RBFOX3: variants seen among roughly 807,000 people sequenced by gnomAD.
RBFOX3 encodes the protein RNA binding fox-1 homolog 3, also known as RNA binding protein fox-1 homolog 3.
In RBFOX3, 17 loss-of-function variants were observed where a neutral mutation model predicts 48.7. That is an observed-to-expected ratio of 0.35 (90% CI 0.24 to 0.52). The LOEUF is 0.52. Ranked by LOEUF, RBFOX3 falls within the 20% of genes least tolerant of loss-of-function variation. RBFOX3 has a pLI of 0.94. For missense variants in RBFOX3, 382 were observed against 497.5 expected (o/e 0.77, Z 2.21); for synonymous variants, 212 against 209.5 (o/e 1.01, Z -0.10).
chr17:79,434,983 G>A (rs192072292), intron 2 of RBFOX3, among the ~76,000 whole-genome samples: 36 of 152,294 alleles, frequency 2.4e-4, no homozygotes, highest in East Asian at 2.3e-3. Flanking sequence ...GTGTGAATCC[G>A]TGCAAAGAAA....
At chr17:79,476,534 G>A (rs2077783545) in intron 2 of RBFOX3, among the ~76,000 whole-genome samples, 1 of 152,188 alleles carries the variant, frequency 6.6e-6, no homozygotes, top group East Asian at 1.9e-4. Context: ...AAGAGTTCTT[G>A]GAGGCAAACC....
At chr17:79,276,570 A>G (rs538048247) in intron 3 of RBFOX3, among the ~76,000 whole-genome samples, 108 of 152,238 alleles carry the variant, frequency 7.1e-4, no homozygotes, top group African/African-American at 2.5e-3. Context: ...CTGTAATCCC[A>G]GCTGCTCGGG....
chr17:79,235,168 G>T (rs1018273601), intron 4 of RBFOX3: 3 of 152,346 alleles, frequency 2.0e-5, no homozygotes, highest in African/African-American at 7.2e-5. Context: ...ATCTGTGGAG[G>T]GGGTCAGCCA....
chr17:79,294,837 C>T (rs1442567644), intron 3 of RBFOX3, among the ~76,000 whole-genome samples: 1 of 152,186 alleles, frequency 6.6e-6, no homozygotes, highest in Non-Finnish European at 1.5e-5. Flanking sequence ...TGCGGATCTG[C>T]CTTCATTAAA....
chr17:79,271,442 C>T (rs894236625), intron 3 of RBFOX3, among the ~76,000 whole-genome samples: 1 of 152,198 alleles, frequency 6.6e-6, no homozygotes, highest in African/African-American at 2.4e-5. Flanking sequence ...GTCTTCTAAG[C>T]TTGGGTCGGA....
rs904986198 is a variant in RBFOX3 at position 79,566,281 on chromosome 17, T to C, written c.-320+44545A>G. On this transcript the variant is annotated intron_variant, in intron 1 of 14. Coordinates refer to ENST00000693108, the MANE Select transcript of RBFOX3 (RefSeq NM_001350451.2). Reference sequence around the variant, plus strand: ...CCCTTTGCGTAAGCACGTCTTGCCATAGTCCCTATTTAAGCCTCACCAGGC... The same window carrying C: ...CCCTTTGCGTAAGCACGTCTTGCCACAGTCCCTATTTAAGCCTCACCAGGC... Among the ~76,000 whole-genome samples, 1,097 of 152,338 alleles carry C rather than the reference T, an allele frequency of 7.2e-3. 9 individuals carry two copies. Among genetic ancestry groups the C allele is most frequent in the African/African-American group, 0.025 (1,036 of 41,578 alleles).
the RBFOX3 span, among the ~76,000 whole-genome samples, chr17:79,646,981 C>A: frequency 3.9e-5 from 6 of 152,138 alleles, no homozygotes; most frequent in Non-Finnish European, 7.3e-5. Context: ...CCCAGCCCAG[C>A]AGTGGAGCCA....
At chr17:79,312,263 A>G (rs2076954050) in intron 2 of RBFOX3, among the ~76,000 whole-genome samples, 1 of 144,888 alleles carries the variant, frequency 6.9e-6, no homozygotes, top group Non-Finnish European at 1.5e-5. Flanking sequence ...GGCAGGGGAG[A>G]GACAAGGAAA....
Position 79,566,306 on chromosome 17 carries a change from C to T in RBFOX3, c.-320+44520G>A, listed in dbSNP as rs1027267499. Among the ~76,000 whole-genome samples, 62 of 152,354 alleles carry T rather than the reference C, an allele frequency of 4.1e-4. 2 individuals carry two copies. The South Asian group carries it at 0.013, about 32-fold the overall frequency. On this transcript the variant is annotated intron_variant, in intron 1 of 14. Coordinates refer to ENST00000693108, the MANE Select transcript of RBFOX3 (RefSeq NM_001350451.2). ...TAGTCCCTATTTAAGCCTCACCAGGCTGGGCCTGGGGTCTCCACTCATCCA... is the reference window on the plus strand; with the variant it reads ...TAGTCCCTATTTAAGCCTCACCAGGTTGGGCCTGGGGTCTCCACTCATCCA...
At chr17:79,106,342 G>A (rs113806880) in intron 6 of RBFOX3, among the ~76,000 whole-genome samples, 2 of 152,194 alleles carry the variant, frequency 1.3e-5, no homozygotes, top group African/African-American at 4.8e-5. Context: ...CTGAGCTCAG[G>A]TGGTCTGGGG....
At chr17:79,629,687 TG>T in the RBFOX3 span, among the ~76,000 whole-genome samples, 2 of 152,188 alleles carry the variant, frequency 1.3e-5, no homozygotes, top group Non-Finnish European at 2.9e-5. Context: ...AAGACTTATC[TG>T]GAAAGATTTA....
At chr17:79,166,892 A>G (rs977973753) in intron 4 of RBFOX3, among the ~76,000 whole-genome samples, 1 of 152,240 alleles carries the variant, frequency 6.6e-6, no homozygotes, top group Non-Finnish European at 1.5e-5. Context: ...CACACCTGCC[A>G]AAGAGTGAAT....
chr17:79,540,164 G>C (rs2089466292), intron 1 of RBFOX3, among the ~76,000 whole-genome samples: 1 of 152,202 alleles, frequency 6.6e-6, no homozygotes, highest in African/African-American at 2.4e-5. Flanking sequence ...CACAGGTGCT[G>C]ACCATTCGTC....
intron 2 of RBFOX3, among the ~76,000 whole-genome samples, chr17:79,342,411 G>A (rs568087562): frequency 4.7e-4 from 72 of 152,098 alleles, no homozygotes; most frequent in African/African-American, 1.6e-3. Context: ...TCTCTCTCTC[G>A]TCTGATTAAA....
In RBFOX3 at chr17:79,199,896, C is replaced by T. The variant is rs1295959032; in HGVS notation, c.-34+35870G>A. 6.6e-6 allele frequency among the ~76,000 whole-genome samples: 1 copy of T among 152,180 alleles called. No homozygotes were observed. The highest frequency in any genetic ancestry group is 2.4e-5 in the African/African-American group (1 of 41,444). Reference sequence around the variant, plus strand: ...GAGAAAAGGGCCGGACGTGGTGGCTCACGCCTGTAATCCCAGCACTTTGGG... The same window carrying T: ...GAGAAAAGGGCCGGACGTGGTGGCTTACGCCTGTAATCCCAGCACTTTGGG... On this transcript the variant is annotated intron_variant, in intron 4 of 14. Transcript: ENST00000693108. This position sits in a 1 kb window ranked among gnomAD's most constrained non-coding sequence, Gnocchi z 5.1.
intron 1 of RBFOX3, among the ~76,000 whole-genome samples, chr17:79,499,448 T>C (rs1455617323): frequency 1.3e-5 from 2 of 152,054 alleles, no homozygotes; most frequent in South Asian, 2.1e-4. Flanking sequence ...CATCCATCCA[T>C]CCATCTACCC....
intron 2 of RBFOX3, among the ~76,000 whole-genome samples, chr17:79,379,590 G>A (rs183598372): frequency 1.2e-4 from 19 of 152,224 alleles, no homozygotes; most frequent in Non-Finnish European, 2.9e-5. Flanking sequence ...GAATGAACAC[G>A]GGTGAGCAGG....
intron 2 of RBFOX3, among the ~76,000 whole-genome samples, chr17:79,476,353 A>G (rs1277316899): frequency 6.6e-6 from 1 of 152,232 alleles, no homozygotes; most frequent in Non-Finnish European, 1.5e-5. Flanking sequence ...CCAAGGAAAA[A>G]TATTGGCCCG....
Position 79,363,592 on chromosome 17 carries a change from C to A in RBFOX3, c.-174-55768G>T, listed in dbSNP as rs976577697. Among the ~76,000 whole-genome samples, 1 of 152,018 alleles carries A rather than the reference C, an allele frequency of 6.6e-6. No individual in the cohort carries two copies. On this transcript the variant is annotated intron_variant, in intron 2 of 14. Transcript: ENST00000693108. The surrounding 1 kb of genome is among the most constrained non-coding windows in gnomAD (Gnocchi z 4.7). ...GCCCAGCTTCCCTGGGGGGTCTCCG[C>A]GAGCAACATACCTCTTACCCAGGGG... is the stretch of plus-strand genomic sequence containing the variant.
Sources: allele counts gnomAD v4.1 joint callset (sites outside exome capture counted in the v4.1 genomes callset), GRCh38; gene constraint gnomAD v4.1.1; non-coding constraint Gnocchi (gnomAD v3.1); transcripts MANE v1.5; gene names NCBI Gene and HGNC (gene_info 2026-07-23, HGNC 2026-07-21).